FUS: variants seen among roughly 807,000 people sequenced by gnomAD.
The protein encoded by FUS is RNA-binding protein FUS.
In FUS, 5 loss-of-function variants were observed where a neutral mutation model predicts 82.7. That is an observed-to-expected ratio of 0.06 (90% CI 0.03 to 0.13). FUS has a LOEUF of 0.13. Ranked by LOEUF, FUS falls within the 10% of genes least tolerant of loss-of-function variation. The probability of loss-of-function intolerance (pLI) is 1.00; values close to 1 mark genes in which losing one functional copy is unlikely to be tolerated. For missense variants in FUS, 512 were observed against 707.8 expected (o/e 0.72, Z 3.14); for synonymous variants, 281 against 247.4 (o/e 1.14, Z -1.27).
Position 31,182,645 on chromosome 16 carries a change from T to G in FUS, c.171T>G (p.Ser57=). Residue 57 remains serine (S), a synonymous_variant, in exon 3 of 15, where the codon TCT becomes TCG. Coordinates refer to ENST00000254108, the MANE Select transcript of FUS (RefSeq NM_004960.4). ...TSGYGQSSYS[S]YGQSQNTGYG... ...GCTATGGCCAGAGCAGCTATTCTTC[T>G]TATGGCCAGAGCCAGAACAGTGAGT... The G allele has an allele frequency of 6.2e-7, 1 of 1,614,172 alleles. No individual in the cohort carries two copies. Among genetic ancestry groups the G allele is most frequent in the Non-Finnish European group, 8.5e-7 (1 of 1,179,996 alleles).
chr16:31,182,516 T>C lies in FUS; in HGVS notation c.42T>C (p.Tyr14=), dbSNP rs1397618700. The change falls in exon 3 of 15, where the codon TAT becomes TAC. Residue 14 remains tyrosine, a synonymous_variant. Coordinates refer to ENST00000254108, the MANE Select transcript of FUS (RefSeq NM_004960.4). ...CGCTGGTTTTCCTTTTATTTAGCTA[T>C]GGGGCCTACCCCACCCAGCCCGGGC... ...NDYTQQATQS[Y]GAYPTQPGQG... The C allele has an allele frequency of 1.9e-6, 3 of 1,614,048 alleles. No homozygotes were observed. The East Asian group carries it at 6.7e-5, about 36-fold the overall frequency.
At chr16:31,192,346 A>G (rs2144147234), downstream of FUS, 1 of 526,616 alleles carries the variant, frequency 1.9e-6, no homozygotes, top group Non-Finnish European at 3.7e-6. Context: ...AGTGCTCCTC[A>G]GCCTCTTACC....
intron 7 of FUS, chr16:31,187,773 A>G (rs186428023): frequency 4.2e-6 from 1 of 236,834 alleles, no homozygotes; most frequent in Non-Finnish European, 8.3e-6. Context: ...GGACATGCTT[A>G]AAAAATACAA....
intron 1 of FUS, 99 bp downstream of exon 1, chr16:31,180,326 G>C (rs971322372): frequency 2.7e-6 from 4 of 1,472,580 alleles, no homozygotes; most frequent in Non-Finnish European, 2.8e-6. Context: ...ATCCCGTGTG[G>C]GATTTTTTGG....
Position 31,191,388 on chromosome 16 carries a change from T to C in FUS, c.1542-11T>C. ...ATAATGGATACTTAATTTTTTTTTT[T>C]TTTTTTGCAGGGGTGAGCACAGACA... On this transcript the variant is annotated splice_polypyrimidine_tract_variant and intron_variant, in intron 14 of 14. Coordinates refer to ENST00000254108, the MANE Select transcript of FUS (RefSeq NM_004960.4). 1 of 1,611,592 alleles carries C rather than the reference T, an allele frequency of 6.2e-7. No individual in the cohort carries two copies. The highest frequency in any genetic ancestry group is 8.5e-7 in the Non-Finnish European group (1 of 1,179,164).
downstream of FUS, chr16:31,191,633 T>G (rs551479845): frequency 4.2e-6 from 3 of 718,052 alleles, no homozygotes; most frequent in African/African-American, 3.5e-5. Context: ...CTTTTCACTT[T>G]CCTGGAAGAT....
chr16:31,188,512 T>C (rs2079305636), intron 8 of FUS, 155 bp downstream of exon 8: 1 of 814,802 alleles, frequency 1.2e-6, no homozygotes, highest in African/African-American at 1.7e-5. Flanking sequence ...GAGAAGTATT[T>C]GTTACGAAGT....
downstream of FUS, chr16:31,194,802 C>T (rs1240522562): frequency 4.2e-6 from 2 of 480,030 alleles, no homozygotes; most frequent in East Asian, 5.0e-5. Flanking sequence ...CTGGAGGTTG[C>T]AAATGTTTTG....
chr16:31,184,943 C>T lies in FUS; in HGVS notation c.528C>T (p.Asn176=), dbSNP rs1177254702. ...GGGGGGGGGG[N]YGQDQSSMSS... The stretch of plus-strand genomic sequence containing the variant: ...TCATTCTTTCTTTTCTCACAGGTAA[C>T]TATGGCCAAGATCAATCCTCCATGA... The change falls in exon 6 of 15, where the codon AAC becomes AAT. Residue 176 remains asparagine (N), a synonymous_variant. Transcript: ENST00000254108. 1 of 1,612,042 alleles carries T rather than the reference C, an allele frequency of 6.2e-7. No individual in the cohort carries two copies.
chr16:31,185,223 G>A lies in FUS; in HGVS notation c.764+44G>A, dbSNP rs965079319. 4 of 1,564,744 alleles carry A rather than the reference G, an allele frequency of 2.6e-6. No homozygotes were observed. In the East Asian group the frequency reaches 9.1e-5, roughly 36 times the overall value. On this transcript the variant is annotated intron_variant, in intron 6 of 14. Coordinates refer to ENST00000254108, the MANE Select transcript of FUS (RefSeq NM_004960.4). Reference sequence around the variant, plus strand: ...AGGGAGTATCTTTGGTGGGGAGTGTGGAGGATTGCATGAATCTCCCTGAAG... The same window carrying A: ...AGGGAGTATCTTTGGTGGGGAGTGTAGAGGATTGCATGAATCTCCCTGAAG...
At chr16:31,182,871 C>T (rs2079202066) in intron 3 of FUS, 3 of 590,310 alleles carry the variant, frequency 5.1e-6, no homozygotes, top group East Asian at 6.2e-5. Context: ...TACCTGCTAC[C>T]ACGCCTGGCT....
downstream of FUS, chr16:31,193,265 C>A (rs12922587): frequency 2.0e-6 from 1 of 509,998 alleles, no homozygotes; most frequent in South Asian, 1.5e-5. Flanking sequence ...GGGGTGCTCT[C>A]TAAGCAACAG....
At chr16:31,185,623 T>A (rs559680054) in intron 6 of FUS, 3 of 495,430 alleles carry the variant, frequency 6.1e-6, no homozygotes, top group Non-Finnish European at 1.2e-5. Flanking sequence ...CTTCCAGGAA[T>A]TGGCTACTCT....
At chr16:31,183,751 C>T in intron 3 of FUS, 107 bp from the exon 4 acceptor site, 1 of 1,394,498 alleles carries the variant, frequency 7.2e-7, no homozygotes, top group Non-Finnish European at 1.0e-6. Flanking sequence ...CTAACAGCTT[C>T]TGAGAGGCTG....
chr16:31,185,838 A>C (rs2079261449), intron 6 of FUS: 2 of 274,760 alleles, frequency 7.3e-6, no homozygotes, highest in South Asian at 5.7e-5. Context: ...CAGCTTGTCC[A>C]ACTGGACCTT....
chr16:31,183,671 TA>T, intron 3 of FUS, 186 bp from the exon 4 acceptor site: 1 of 688,642 alleles, frequency 1.5e-6, no homozygotes, highest in Non-Finnish European at 2.5e-6. Context: ...AAAGAGTTGG[TA>T]GAAGTTGAAG....
At chr16:31,191,652 C>G (rs140875749), downstream of FUS, 1 of 704,310 alleles carries the variant, frequency 1.4e-6, no homozygotes. Flanking sequence ...ATCGATGTCC[C>G]GATCAGGAAG....
downstream of FUS, chr16:31,194,202 C>T (rs1251733943): frequency 3.8e-6 from 2 of 530,176 alleles, no homozygotes; most frequent in Admixed American, 2.2e-5. Flanking sequence ...GGTAGATTGA[C>T]CAGGAATTAA....
At chr16:31,182,355 G>T in intron 1 of FUS, 43 bp from the exon 2 acceptor site, 1 of 1,611,352 alleles carries the variant, frequency 6.2e-7, no homozygotes, top group Non-Finnish European at 8.5e-7. Flanking sequence ...AACTCTTTCA[G>T]AGTGGCAGCT....
Sources: gnomAD v4.1 joint callset for allele counts on GRCh38, gnomAD v4.1.1 for gene constraint, MANE v1.5 for transcripts, NCBI Gene and HGNC (gene_info 2026-07-23, HGNC 2026-07-21) for gene names.